The following CDH12 variants were observed in gnomAD, a reference collection of about 807,000 sequenced individuals.
CDH12 encodes cadherin 12, also known as cadherin-12.
Under a neutral mutation model 74.1 loss-of-function variants are expected in CDH12, and 41 were observed. The ratio of observed to expected loss-of-function variants is 0.55; its 90% CI spans 0.43 to 0.72. The LOEUF (loss-of-function observed/expected upper bound fraction) is 0.72. Among genes scored for constraint, CDH12 ranks in the 30% least tolerant of loss-of-function variants. CDH12 has a pLI of 0.00. For missense variants in CDH12, 945 were observed against 977.2 expected (o/e 0.97, Z 0.44); for synonymous variants, 399 against 355.0 (o/e 1.12, Z -1.39).
chr5:21,942,224 A>G (rs549677023), intron 6 of CDH12, among the ~76,000 whole-genome samples: 3 of 152,042 alleles, frequency 2.0e-5, no homozygotes, highest in South Asian at 2.1e-4. Context: ...ATCTTCACCT[A>G]TGTGACTCTA....
At chr5:22,045,350 G>A (rs1000116926) in intron 5 of CDH12, among the ~76,000 whole-genome samples, 2 of 152,160 alleles carry the variant, frequency 1.3e-5, no homozygotes, top group African/African-American at 4.8e-5. Flanking sequence ...ATGTAAATTA[G>A]CACAACCATT....
chr5:22,795,408 A>G (rs1748143984), intron 1 of CDH12, among the ~76,000 whole-genome samples: 1 of 152,090 alleles, frequency 6.6e-6, no homozygotes, highest in African/African-American at 2.4e-5. Context: ...TAAACCTGAC[A>G]TAAGGAAGGC....
intron 1 of CDH12, among the ~76,000 whole-genome samples, chr5:22,610,492 T>C (rs1737342559): frequency 6.6e-6 from 1 of 152,138 alleles, no homozygotes; most frequent in African/African-American, 2.4e-5. Flanking sequence ...ATTACTTCCA[T>C]ACTTCAGTTA....
intron 2 of CDH12, among the ~76,000 whole-genome samples, chr5:22,495,125 T>C (rs1298574490): frequency 6.6e-6 from 1 of 152,154 alleles, no homozygotes; most frequent in Non-Finnish European, 1.5e-5. Context: ...GACATATGCT[T>C]TCTATCTGGT....
chr5:22,850,339 C>A (rs1242382561), intron 1 of CDH12, among the ~76,000 whole-genome samples: 1 of 151,956 alleles, frequency 6.6e-6, no homozygotes, highest in African/African-American at 2.4e-5. Context: ...AAAGCTGCAA[C>A]TGTCTTAAAG....
intron 3 of CDH12, among the ~76,000 whole-genome samples, chr5:22,270,604 A>ATAT (rs202100279): frequency 5.6e-4 from 82 of 145,262 alleles, no homozygotes; most frequent in South Asian, 1.6e-3. Flanking sequence ...CAAAAAAAAA[A>ATAT]ATATATATAT....
intron 1 of CDH12, among the ~76,000 whole-genome samples, chr5:22,812,553 A>C (rs996174512): frequency 6.6e-6 from 1 of 152,178 alleles, no homozygotes; most frequent in African/African-American, 2.4e-5. Context: ...TGGCCCTGAC[A>C]GTATGTGACA....
chr5:22,574,240 T>C (rs988548583), intron 1 of CDH12, among the ~76,000 whole-genome samples: 6 of 151,880 alleles, frequency 4.0e-5, no homozygotes, highest in African/African-American at 1.4e-4. Flanking sequence ...CCACCACACC[T>C]GGCTAATTTT....
intron 3 of CDH12, among the ~76,000 whole-genome samples, chr5:22,335,022 G>T (rs1011980785): frequency 6.6e-6 from 1 of 151,966 alleles, no homozygotes; most frequent in Non-Finnish European, 1.5e-5. Flanking sequence ...AAAAGCTTCT[G>T]CATAGAAAAG....
intron 8 of CDH12, among the ~76,000 whole-genome samples, chr5:21,822,466 G>T (rs964132451): frequency 5.3e-5 from 8 of 151,704 alleles, no homozygotes; most frequent in Admixed American, 1.3e-4. Context: ...AACATTTTAT[G>T]CCCTCTATTT....
rs914441973 is a variant in CDH12, at chr5:22,321,311, G to T, written c.-333+83946C>A. 1.9e-4 allele frequency among the ~76,000 whole-genome samples: 28 copies of T among 148,578 alleles called. 1 individual carries two copies. The highest frequency in any genetic ancestry group is 5.0e-4 in the African/African-American group (20 of 39,786). ...CATATACACCATGGAATACTATGCA[G>T]CCATAAAAAATGATGAGTTCACGTC... On this transcript the variant is annotated intron_variant, in intron 3 of 14. Coordinates refer to ENST00000382254, the MANE Select transcript of CDH12 (RefSeq NM_004061.5).
At chr5:21,851,457 A>C (rs927691519) in intron 7 of CDH12, among the ~76,000 whole-genome samples, 1 of 150,460 alleles carries the variant, frequency 6.6e-6, no homozygotes, top group African/African-American at 2.4e-5. Flanking sequence ...CATTAAGTGA[A>C]ATAATTTATA....
chr5:22,609,013 T>C (rs761961763), intron 1 of CDH12, among the ~76,000 whole-genome samples: 1 of 152,144 alleles, frequency 6.6e-6, no homozygotes, highest in Non-Finnish European at 1.5e-5. Context: ...ATGACCACAA[T>C]GGATAGCCAG....
intron 2 of CDH12, among the ~76,000 whole-genome samples, chr5:22,456,329 TTAAA>T (rs1480141653): frequency 1.3e-5 from 2 of 151,762 alleles, no homozygotes; most frequent in Non-Finnish European, 2.9e-5. Context: ...TTTCTGGGAA[TTAAA>T]TAATCAGCTC....
At chr5:21,974,388 C>T (rs1363701794) in intron 6 of CDH12, among the ~76,000 whole-genome samples, 3 of 152,060 alleles carry the variant, frequency 2.0e-5, no homozygotes, top group Non-Finnish European at 4.4e-5. Flanking sequence ...GACCTTATAT[C>T]CTACATATTA....
At chr5:22,212,769 T>C (rs1315273057) in intron 3 of CDH12, 126 bp from the exon 4 acceptor site, 3 of 266,032 alleles carry the variant, frequency 1.1e-5, no homozygotes, top group Non-Finnish European at 1.7e-5. Flanking sequence ...CTAACACTCT[T>C]GGCAGGTCCC....
chr5:22,017,072 A>G (rs1737654688), intron 5 of CDH12, among the ~76,000 whole-genome samples: 1 of 152,086 alleles, frequency 6.6e-6, no homozygotes, highest in Non-Finnish European at 1.5e-5. Flanking sequence ...TAGACTCCTG[A>G]GCAAATGTTG....
At chr5:22,760,894 C>G (rs1005580830) in intron 1 of CDH12, among the ~76,000 whole-genome samples, 1 of 151,990 alleles carries the variant, frequency 6.6e-6, no homozygotes, top group Admixed American at 6.6e-5. Context: ...TCCAGATCCA[C>G]AACATGCACA....
intron 1 of CDH12, among the ~76,000 whole-genome samples, chr5:22,821,824 T>C (rs1336291608): frequency 4.0e-5 from 6 of 150,808 alleles, no homozygotes; most frequent in Non-Finnish European, 7.4e-5. Flanking sequence ...ATTTATAGAT[T>C]CAATGCCATC....
Sources: gnomAD v4.1 joint callset for allele counts (sites outside exome capture counted in the v4.1 genomes callset) on GRCh38, gnomAD v4.1.1 for gene constraint, MANE v1.5 for transcripts, NCBI Gene and HGNC (gene_info 2026-07-23, HGNC 2026-07-21) for gene names.